The following GRM5 variants were observed in gnomAD, a reference collection of about 807,000 sequenced individuals.
The protein encoded by GRM5 is metabotropic glutamate receptor 5.
GRM5 carries 19 observed loss-of-function variants against 83.1 expected under a neutral mutation model. The ratio of observed to expected loss-of-function variants is 0.23; its 90% CI spans 0.16 to 0.34. The LOEUF (loss-of-function observed/expected upper bound fraction) is 0.34. GRM5 is among the 10% of genes least tolerant of loss of function. GRM5 has a pLI of 1.00. For synonymous variants in GRM5, 675 were observed against 633.6 expected (o/e 1.07, Z -0.98); for missense variants, 1,160 against 1,588.3 (o/e 0.73, Z 4.58).
chr11:88,604,286 G>C (rs1056401597), intron 5 of GRM5, among the ~76,000 whole-genome samples: 1 of 152,138 alleles, frequency 6.6e-6, no homozygotes, highest in Non-Finnish European at 1.5e-5. Flanking sequence ...CTTGCTGTAC[G>C]TACAGCAAAC....
chr11:88,826,037 G>C (rs1380119614), intron 3 of GRM5, among the ~76,000 whole-genome samples: 3 of 152,108 alleles, frequency 2.0e-5, no homozygotes, highest in Non-Finnish European at 4.4e-5. Flanking sequence ...TCTCACTCTA[G>C]GTGTTAAGCT....
chr11:88,525,212 G>T, intron 9 of GRM5, 97 bp downstream of exon 9: 1 of 753,386 alleles, frequency 1.3e-6, no homozygotes. Context: ...TGTATGAGTT[G>T]CACAGTTGAG....
intron 1 of GRM5, among the ~76,000 whole-genome samples, chr11:89,053,684 A>C (rs1016825992): frequency 2.4e-4 from 1 of 4,186 alleles, no homozygotes; most frequent in Non-Finnish European, 7.1e-4. Context: ...TTTAAAAGCA[A>C]AAAAAAAAAA....
chr11:88,811,593 T>C (rs1479131767), intron 3 of GRM5, among the ~76,000 whole-genome samples: 1 of 152,104 alleles, frequency 6.6e-6, no homozygotes, highest in Non-Finnish European at 1.5e-5. Flanking sequence ...TTGGGCTCAC[T>C]CTGTAGAATG....
chr11:88,810,783 A>G (rs1285456457), intron 3 of GRM5, among the ~76,000 whole-genome samples: 1 of 152,136 alleles, frequency 6.6e-6, no homozygotes, highest in Non-Finnish European at 1.5e-5. Flanking sequence ...AGGATCATTG[A>G]ATAAAAAAGA....
chr11:88,704,408 A>C (rs148902513), intron 3 of GRM5, among the ~76,000 whole-genome samples: 2 of 152,094 alleles, frequency 1.3e-5, no homozygotes, highest in African/African-American at 4.8e-5. Context: ...CACACAGAGC[A>C]TCAGTAAAAG....
rs751857529 is a variant in GRM5 at position 88,886,639 on chromosome 11, G to A, written c.662-36484C>T. On this transcript the variant is annotated intron_variant, in intron 2 of 9. Transcript: ENST00000305447. ...AGTCCTGGTGTACCTGAGGATTTCC[G>A]GCCAGGGTTACCACCATTGTTATCC... 4.6e-5 allele frequency among the ~76,000 whole-genome samples: 7 copies of A among 152,150 alleles called. No homozygotes were observed. In the South Asian group the frequency reaches 8.3e-4, roughly 18 times the overall value.
At chr11:88,794,513 C>T (rs573979978) in intron 3 of GRM5, among the ~76,000 whole-genome samples, 1 of 151,978 alleles carries the variant, frequency 6.6e-6, no homozygotes, top group African/African-American at 2.4e-5. Context: ...TTCTGTTAGA[C>T]ATTTAGAGGA....
chr11:88,786,167 T>G (rs959800730), intron 3 of GRM5, among the ~76,000 whole-genome samples: 4 of 152,044 alleles, frequency 2.6e-5, no homozygotes, highest in Non-Finnish European at 5.9e-5. Flanking sequence ...ACATACAACA[T>G]AGTGAAATGG....
At chr11:88,724,372 G>T (rs1258529538) in intron 3 of GRM5, among the ~76,000 whole-genome samples, 1 of 151,154 alleles carries the variant, frequency 6.6e-6, no homozygotes, top group Non-Finnish European at 1.5e-5. Context: ...GTGTCCTAAA[G>T]TTACTTGCTT....
At chr11:88,647,324 CAGTATAAGGCACTCCTTAAAAAA>C (rs1939488438) in intron 4 of GRM5, among the ~76,000 whole-genome samples, 1 of 151,490 alleles carries the variant, frequency 6.6e-6, no homozygotes, top group African/African-American at 2.4e-5. Flanking sequence ...TAATTCAACC[CAGTATAAGGCACTCCTTAAAAAA>C]AGTATAAGAC....
chr11:88,609,301 C>G (rs1457754401), intron 4 of GRM5, among the ~76,000 whole-genome samples: 1 of 152,114 alleles, frequency 6.6e-6, no homozygotes, highest in Non-Finnish European at 1.5e-5. Context: ...TGGGCTTGAT[C>G]TATGTTGCAG....
intron 9 of GRM5, among the ~76,000 whole-genome samples, chr11:88,510,249 C>T (rs1005704464): frequency 1.3e-5 from 2 of 152,224 alleles, no homozygotes; most frequent in Admixed American, 6.5e-5. Flanking sequence ...ATAATGCCTT[C>T]GGCACTTAGC....
intron 7 of GRM5, among the ~76,000 whole-genome samples, chr11:88,583,128 A>G (rs961405348): frequency 6.6e-6 from 1 of 151,698 alleles, no homozygotes; most frequent in Admixed American, 6.6e-5. Context: ...AAAAAAAAAA[A>G]GTCCCAAGAA....
At chr11:88,609,271 T>C (rs1465915766) in intron 4 of GRM5, among the ~76,000 whole-genome samples, 1 of 152,226 alleles carries the variant, frequency 6.6e-6, no homozygotes, top group Non-Finnish European at 1.5e-5. Context: ...CCTGCATTAG[T>C]TCACTCAGGA....
chr11:88,919,238 C>CTATATATATATATATA (rs147135169), intron 2 of GRM5, among the ~76,000 whole-genome samples: 409 of 32,378 alleles, frequency 0.013, 87 homozygotes, highest in Non-Finnish European at 0.029. Context: ...GCAGGAGTAG[C>CTATATATATATATATA]TATATATATA....
chr11:88,798,752 A>G (rs1326861794), intron 3 of GRM5, among the ~76,000 whole-genome samples: 4 of 146,822 alleles, frequency 2.7e-5, no homozygotes, highest in Non-Finnish European at 6.0e-5. Flanking sequence ...AATCCCTGAC[A>G]CTGAGTCAAA....
intron 3 of GRM5, among the ~76,000 whole-genome samples, chr11:88,803,172 T>C (rs1439013857): frequency 6.6e-6 from 1 of 150,516 alleles, no homozygotes; most frequent in Non-Finnish European, 1.5e-5. Context: ...CTTCACAGAA[T>C]TGGAAAAAAC....
chr11:88,728,881 A>G (rs1941742687), intron 3 of GRM5, among the ~76,000 whole-genome samples: 1 of 152,108 alleles, frequency 6.6e-6, no homozygotes. Context: ...ATCTCAAAAT[A>G]ATAAGTTATT....
Sources: gnomAD v4.1 joint callset for allele counts (sites outside exome capture counted in the v4.1 genomes callset) on GRCh38, gnomAD v4.1.1 for gene constraint, MANE v1.5 for transcripts, NCBI Gene and HGNC (gene_info 2026-07-23, HGNC 2026-07-21) for gene names.